Variants in PPP4R3B observed in about 807,000 individuals in gnomAD.
PPP4R3B encodes serine/threonine-protein phosphatase 4 regulatory subunit 3B.
PPP4R3B carries 52 observed loss-of-function variants against 95.4 expected under a neutral mutation model. That is an observed-to-expected ratio of 0.54 (90% CI 0.44 to 0.69). The LOEUF is 0.69. Among genes scored for constraint, PPP4R3B ranks in the 30% least tolerant of loss-of-function variants. The pLI, the probability that PPP4R3B is intolerant of heterozygous loss-of-function variation, is 0.00. For synonymous variants in PPP4R3B, 407 were observed against 343.9 expected, an observed-to-expected ratio of 1.18 and a Z score of -2.03; for missense variants, 1,003 against 1,005.9, an observed-to-expected ratio of 1.00 and a Z score of 0.04.
intron 7 of PPP4R3B, among the ~76,000 whole-genome samples, chr2:55,582,892 T>C (rs1689621789): frequency 6.6e-6 from 1 of 152,200 alleles, no homozygotes; most frequent in African/African-American, 2.4e-5. Flanking sequence ...TTTTACTGAA[T>C]GTTTCAAAGG....
chr2:55,583,637 T>C (rs1476012250), intron 7 of PPP4R3B, among the ~76,000 whole-genome samples: 1 of 152,132 alleles, frequency 6.6e-6, no homozygotes, highest in Non-Finnish European at 1.5e-5. Context: ...TTGTAAAGGG[T>C]GGCATTAAGA....
chr2:55,611,203 T>A (rs7579499), intron 2 of PPP4R3B, among the ~76,000 whole-genome samples: 37 of 152,000 alleles, frequency 2.4e-4, no homozygotes, highest in African/African-American at 8.4e-4. Context: ...CAGGCTGGGG[T>A]GCAATGGCTA....
In PPP4R3B at chr2:55,617,149, G is replaced by C; in HGVS notation, c.137C>G (p.Ser46Cys). 6.2e-7 allele frequency: 1 copy of C among 1,611,682 alleles called. No individual in the cohort carries two copies. Among genetic ancestry groups the C allele is most frequent in the South Asian group, 1.1e-5 (1 of 90,958 alleles). ...KGMSLLVRAESDGSLLLESKI... is the reference protein window; with the variant it reads ...KGMSLLVRAECDGSLLLESKI... ...TACAGTTCCGATAACCTTACCGTCG[G>C]ACTCTGCCCGAACCAGCAGCGACAT... Residue 46 changes from serine to cysteine, a missense_variant, in exon 1 of 17, where the codon TCC (serine) becomes TGC (cysteine). This residue lies in a region of PPP4R3B where 695 missense variants were observed against 686.2 expected (regional missense o/e 1.01). Transcript: ENST00000616407.
intron 2 of PPP4R3B, among the ~76,000 whole-genome samples, chr2:55,608,623 G>T (rs1693738608): frequency 6.6e-6 from 1 of 152,230 alleles, no homozygotes; most frequent in East Asian, 1.9e-4. Context: ...CAATTCCACA[G>T]ATTGATACTA....
At chr2:55,604,485 T>C (rs1029062059) in intron 2 of PPP4R3B, among the ~76,000 whole-genome samples, 25 of 152,020 alleles carry the variant, frequency 1.6e-4, no homozygotes, top group African/African-American at 5.8e-4. Context: ...AATAAGCTAA[T>C]ACCTGAAAAT....
intron 2 of PPP4R3B, among the ~76,000 whole-genome samples, chr2:55,607,477 A>G (rs1693579119): frequency 1.3e-5 from 2 of 152,208 alleles, no homozygotes; most frequent in African/African-American, 4.8e-5. Flanking sequence ...GGAAACAGTT[A>G]TATCTACCAG....
intron 16 of PPP4R3B, among the ~76,000 whole-genome samples, chr2:55,550,598 C>G (rs955509556): frequency 2.6e-5 from 4 of 152,152 alleles, no homozygotes; most frequent in African/African-American, 9.7e-5. Context: ...TAACAGACCT[C>G]TGTGAAAATC....
chr2:55,593,507 G>T (rs1691321793), intron 4 of PPP4R3B, among the ~76,000 whole-genome samples: 1 of 152,056 alleles, frequency 6.6e-6, no homozygotes, highest in African/African-American at 2.4e-5. Context: ...GAAACCACAG[G>T]TAAGTGTACT....
At chr2:55,562,734 C>G (rs1006863984) in intron 15 of PPP4R3B, among the ~76,000 whole-genome samples, 4 of 152,152 alleles carry the variant, frequency 2.6e-5, no homozygotes, top group African/African-American at 4.8e-5. Context: ...CGGATCATAA[C>G]AAAATTAGCC....
intron 5 of PPP4R3B, among the ~76,000 whole-genome samples, chr2:55,588,014 A>AT (rs1012657213): frequency 7.2e-5 from 11 of 152,334 alleles, no homozygotes; most frequent in African/African-American, 2.4e-4. Context: ...ATGCATTACT[A>AT]TAACATATAC....
intron 3 of PPP4R3B, among the ~76,000 whole-genome samples, chr2:55,601,647 T>C (rs1418778811): frequency 6.6e-6 from 1 of 152,162 alleles, no homozygotes; most frequent in Non-Finnish European, 1.5e-5. Flanking sequence ...CCCAAAGTGC[T>C]GGGATTACAG....
At chr2:55,607,712 T>C (rs1479411296) in intron 2 of PPP4R3B, among the ~76,000 whole-genome samples, 1 of 152,188 alleles carries the variant, frequency 6.6e-6, no homozygotes, top group African/African-American at 2.4e-5. Context: ...TGGTGATTAA[T>C]AAACCCTCAG....
intron 4 of PPP4R3B, among the ~76,000 whole-genome samples, chr2:55,595,273 C>T (rs1691607477): frequency 6.6e-6 from 1 of 151,644 alleles, no homozygotes; most frequent in Non-Finnish European, 1.5e-5. Context: ...ATCCTCCTGG[C>T]CTTGGCCTCC....
intron 2 of PPP4R3B, chr2:55,614,769 G>A (rs991503167): frequency 3.9e-5 from 6 of 152,144 alleles, no homozygotes; most frequent in African/African-American, 4.8e-5. Context: ...TGGTGTTACA[G>A]TAGACACCGA....
chr2:55,574,348 A>G (rs996669978), intron 11 of PPP4R3B, among the ~76,000 whole-genome samples: 1 of 151,946 alleles, frequency 6.6e-6, no homozygotes, highest in African/African-American at 2.4e-5. Context: ...CAATAAAAAT[A>G]TATGAACATG....
chr2:55,610,239 T>TA (rs1693982232), intron 2 of PPP4R3B, among the ~76,000 whole-genome samples: 1 of 152,202 alleles, frequency 6.6e-6, no homozygotes, highest in African/African-American at 2.4e-5. Context: ...GTATCTGAAT[T>TA]ATTGCAAAAG....
At chr2:55,552,851 T>A (rs533674336) in intron 16 of PPP4R3B, among the ~76,000 whole-genome samples, 1 of 152,188 alleles carries the variant, frequency 6.6e-6, no homozygotes, top group South Asian at 2.1e-4. Flanking sequence ...GCAAGGCAAG[T>A]CATACAACAG....
At chr2:55,609,528 G>T (rs1199437449) in intron 2 of PPP4R3B, among the ~76,000 whole-genome samples, 1 of 151,802 alleles carries the variant, frequency 6.6e-6, no homozygotes, top group African/African-American at 2.4e-5. Flanking sequence ...CAAAAAATTA[G>T]CCAGGCATGG....
chr2:55,565,922 T>C (rs1037773520), intron 13 of PPP4R3B: 3 of 152,244 alleles, frequency 2.0e-5, no homozygotes, highest in Non-Finnish European at 2.9e-5. Flanking sequence ...TCTGACTATA[T>C]TATACACACA....
Sources: allele counts gnomAD v4.1 joint callset (sites outside exome capture counted in the v4.1 genomes callset), GRCh38; gene constraint gnomAD v4.1.1; regional missense constraint gnomAD v4.1.1; transcripts MANE v1.5; gene names NCBI Gene and HGNC (gene_info 2026-07-23, HGNC 2026-07-21).